The following GLIS3 variants were observed in gnomAD, a reference collection of about 807,000 sequenced individuals.
GLIS3 encodes GLIS family zinc finger 3.
A neutral mutation model predicts 78.6 loss-of-function variants in GLIS3; 53 were observed. The observed-to-expected ratio is 0.67, with a 90% CI of 0.54 to 0.85. GLIS3 has a LOEUF of 0.85. Ranked by LOEUF, GLIS3 falls within the 40% of genes least tolerant of loss-of-function variation. The pLI, the probability that GLIS3 is intolerant of heterozygous loss-of-function variation, is 0.00. For missense variants in GLIS3, 1,703 were observed against 1,231.1 expected (o/e 1.38, Z -5.74); for synonymous variants, 684 against 509.9 (o/e 1.34, Z -4.60).
chr9:4,228,933 G>A (rs952675182), intron 2 of GLIS3, among the ~76,000 whole-genome samples: 2 of 152,182 alleles, frequency 1.3e-5, no homozygotes, highest in Non-Finnish European at 2.9e-5. Context: ...AAACAAACAT[G>A]TCATGGACAT....
At chr9:3,938,565 C>T (rs1445954058) in intron 4 of GLIS3, among the ~76,000 whole-genome samples, 1 of 152,136 alleles carries the variant, frequency 6.6e-6, no homozygotes, top group East Asian at 1.9e-4. Context: ...ATCACTCCAT[C>T]TATTTAAGTT....
chr9:4,431,703 G>C, the GLIS3 span, among the ~76,000 whole-genome samples: 1 of 152,122 alleles, frequency 6.6e-6, no homozygotes, highest in African/African-American at 2.4e-5. Flanking sequence ...AATTAGCCAG[G>C]TGTGGTGGCA....
chr9:4,479,904 CTTTTTTT>C, the GLIS3 span, among the ~76,000 whole-genome samples: 13 of 108,718 alleles, frequency 1.2e-4, no homozygotes, highest in East Asian at 4.9e-4. Flanking sequence ...ATTTCTTCTT[CTTTTTTT>C]TTTTTTTTTT....
chr9:4,440,216 T>C, the GLIS3 span, among the ~76,000 whole-genome samples: 1 of 152,228 alleles, frequency 6.6e-6, no homozygotes, highest in African/African-American at 2.4e-5. Flanking sequence ...TTTTCCAATA[T>C]TGCTTTTGTT....
the GLIS3 span, among the ~76,000 whole-genome samples, chr9:4,413,062 G>C: frequency 2.6e-5 from 4 of 152,250 alleles, no homozygotes; most frequent in Non-Finnish European, 5.9e-5. Flanking sequence ...TCAACATCTA[G>C]CACTACCCTA....
upstream of GLIS3, among the ~76,000 whole-genome samples, chr9:4,349,085 T>C (rs573222564): frequency 4.4e-4 from 67 of 152,296 alleles, no homozygotes; most frequent in Admixed American, 1.1e-3. Context: ...AATAGGAGAA[T>C]GCAACACTAC....
intron 2 of GLIS3, among the ~76,000 whole-genome samples, chr9:4,131,814 G>T (rs746431097): frequency 6.6e-6 from 1 of 152,012 alleles, no homozygotes; most frequent in Non-Finnish European, 1.5e-5. Flanking sequence ...AACATACATA[G>T]AGGACTCAGC....
chr9:4,298,715 G>C (rs1388881195), intron 1 of GLIS3, among the ~76,000 whole-genome samples: 2 of 152,196 alleles, frequency 1.3e-5, no homozygotes, highest in Admixed American at 6.5e-5. Context: ...AACCCGGCGG[G>C]GAGGGTTCGT....
At chr9:4,362,199 G>A in the GLIS3 span, among the ~76,000 whole-genome samples, 2 of 152,238 alleles carry the variant, frequency 1.3e-5, no homozygotes, top group African/African-American at 4.8e-5. Flanking sequence ...GAAACCAGTG[G>A]AAAGGGGGAG....
chr9:3,902,931 C>G (rs906633277), intron 6 of GLIS3, among the ~76,000 whole-genome samples: 1 of 152,090 alleles, frequency 6.6e-6, no homozygotes, highest in African/African-American at 2.4e-5. Flanking sequence ...TTAGCAGATA[C>G]TAGGAAAAGT....
chr9:3,968,229 G>A (rs1818108002), intron 4 of GLIS3, among the ~76,000 whole-genome samples: 1 of 152,198 alleles, frequency 6.6e-6, no homozygotes, highest in South Asian at 2.1e-4. Context: ...ATCGTCAGCA[G>A]GAAGCCTCAC....
intron 8 of GLIS3, among the ~76,000 whole-genome samples, chr9:3,877,638 G>C (rs1821405066): frequency 6.6e-6 from 1 of 151,974 alleles, no homozygotes; most frequent in South Asian, 2.1e-4. Context: ...TGGTATCTAG[G>C]GGTAAAACTT....
chr9:4,204,846 G>A (rs779753885), intron 2 of GLIS3, among the ~76,000 whole-genome samples: 1 of 151,610 alleles, frequency 6.6e-6, no homozygotes, highest in African/African-American at 2.4e-5. Flanking sequence ...CCCGGAAGGC[G>A]GAGGTTGCAG....
chr9:3,897,434 C>CAT (rs145872957), intron 7 of GLIS3, among the ~76,000 whole-genome samples: 2,117 of 150,278 alleles, frequency 0.014, 18 homozygotes, highest in African/African-American at 0.018. Flanking sequence ...CATGGTTTTT[C>CAT]ATATATATAT....
chr9:4,250,777 C>T (rs552602143), intron 2 of GLIS3, among the ~76,000 whole-genome samples: 1 of 152,276 alleles, frequency 6.6e-6, no homozygotes, highest in African/African-American at 2.4e-5. Flanking sequence ...CTAAACACTG[C>T]TTTAGCTGTG....
chr9:4,405,649 A>G, the GLIS3 span, among the ~76,000 whole-genome samples: 2 of 152,186 alleles, frequency 1.3e-5, no homozygotes, highest in African/African-American at 2.4e-5. Flanking sequence ...CCAAGCATTT[A>G]AAGAACTAAT....
Position 4,260,566 on chromosome 9 carries a change from CA to C in GLIS3, c.388+25471del, listed in dbSNP as rs372293678. On this transcript the variant is annotated intron_variant, in intron 2 of 10. Transcript: ENST00000381971. Reference sequence around the variant, plus strand: ...TGGGCAACTGAGTGAGACTCTGTCTCAAAAAAAAAAAAAAAAGATAAATACA... The same window carrying C: ...TGGGCAACTGAGTGAGACTCTGTCTCAAAAAAAAAAAAAAAGATAAATACA... Among the ~76,000 whole-genome samples the C allele has an allele frequency of 2.9e-3, 343 of 116,946 alleles. 1 individual carries two copies. The highest frequency in any genetic ancestry group is 8.3e-3 in the South Asian group (26 of 3,142). The allele number at this position is 116,946 out of a possible 152,430, so 76.7% of individuals were successfully genotyped here.
intron 2 of GLIS3, among the ~76,000 whole-genome samples, chr9:4,199,234 G>A (rs957491934): frequency 1.3e-5 from 2 of 152,050 alleles, no homozygotes; most frequent in Admixed American, 6.6e-5. Context: ...GAATGAAATG[G>A]CCTAAAACCC....
At chr9:4,255,544 A>ACAAGT (rs1186263148) in intron 2 of GLIS3, among the ~76,000 whole-genome samples, 2 of 152,238 alleles carry the variant, frequency 1.3e-5, no homozygotes. Flanking sequence ...AAAAGAAATG[A>ACAAGT]GCTATCAAGC....
Sources: gnomAD v4.1 joint callset for allele counts (sites outside exome capture counted in the v4.1 genomes callset) on GRCh38, gnomAD v4.1.1 for gene constraint, MANE v1.5 for transcripts, NCBI Gene and HGNC (gene_info 2026-07-23, HGNC 2026-07-21) for gene names.